Variants in VWA8 observed in about 807,000 individuals in gnomAD.
The protein encoded by VWA8 is von Willebrand factor A domain-containing protein 8.
VWA8 carries 221 observed loss-of-function variants against 241.5 expected under a neutral mutation model. The observed-to-expected ratio is 0.91, with a 90% CI of 0.82 to 1.02. The LOEUF (loss-of-function observed/expected upper bound fraction) is 1.02, where lower values mean the gene tolerates loss of function less well. Among genes scored for constraint, VWA8 ranks in the 50% least tolerant of loss-of-function variants. The pLI is 0.00. For missense variants in VWA8, 2,322 were observed against 2,328.7 expected (o/e 1.00, Z 0.06); for synonymous variants, 852 against 827.1 (o/e 1.03, Z -0.52).
Position 41,636,892 on chromosome 13 carries a change from A to G in VWA8, c.4612-21808T>C, listed in dbSNP as rs868712138. Reference sequence around the variant, plus strand: ...ACCATCTCACACCAGTTAGAATGGCAATCATTAAAAAGTCAGGAAACAACA... The same window carrying G: ...ACCATCTCACACCAGTTAGAATGGCGATCATTAAAAAGTCAGGAAACAACA... On this transcript the variant is annotated intron_variant, in intron 37 of 44. Transcript: ENST00000379310. 2.0e-3 allele frequency among the ~76,000 whole-genome samples: 302 copies of G among 151,972 alleles called. 1 individual carries two copies. Among genetic ancestry groups the G allele is most frequent in the South Asian group, 8.3e-3 (40 of 4,800 alleles).
At chr13:41,927,220 T>C in intron 2 of VWA8, 1 of 471,776 alleles carries the variant, frequency 2.1e-6, no homozygotes, top group East Asian at 5.7e-5. Context: ...ATTGACCAAG[T>C]CACCATTTTT....
chr13:41,644,497 CT>C (rs2044818114), intron 37 of VWA8, among the ~76,000 whole-genome samples: 1 of 152,234 alleles, frequency 6.6e-6, no homozygotes, highest in African/African-American at 2.4e-5. Context: ...TTCCCCATGC[CT>C]GTGTGTGTTT....
rs188595004 is a variant in VWA8 at position 41,847,571 on chromosome 13, G to A, written c.1426-14040C>T. 1.0e-3 allele frequency among the ~76,000 whole-genome samples: 158 copies of A among 152,264 alleles called. 3 individuals carry two copies. Among genetic ancestry groups the A allele is most frequent in the African/African-American group, 3.5e-3 (146 of 41,552 alleles). On this transcript the variant is annotated intron_variant, in intron 12 of 44. Transcript: ENST00000379310. The stretch of plus-strand genomic sequence containing the variant: ...GTAGGCATGGATTGGGTCACATAGC[G>A]CAGTGGTTCTCAACCCTGGCTGCTG...
intron 20 of VWA8, among the ~76,000 whole-genome samples, chr13:41,761,631 AAATAT>A (rs1157344052): frequency 3.3e-5 from 5 of 152,136 alleles, no homozygotes; most frequent in South Asian, 2.1e-4. Flanking sequence ...ACAGAAAGGT[AAATAT>A]AATACTGTAT....
At chr13:41,817,349 A>G (rs998913068) in intron 15 of VWA8, among the ~76,000 whole-genome samples, 1 of 152,190 alleles carries the variant, frequency 6.6e-6, no homozygotes, top group African/African-American at 2.4e-5. Context: ...CAAATAACAC[A>G]TATCGATTGC....
chr13:41,721,081 T>G (rs138984317), intron 25 of VWA8, among the ~76,000 whole-genome samples: 24 of 152,274 alleles, frequency 1.6e-4, no homozygotes, highest in African/African-American at 5.8e-4. Context: ...CAGGAAGGTT[T>G]CCCCACTGAC....
intron 17 of VWA8, among the ~76,000 whole-genome samples, chr13:41,803,873 A>G (rs1870069705): frequency 6.6e-6 from 1 of 152,230 alleles, no homozygotes; most frequent in Non-Finnish European, 1.5e-5. Context: ...AAAATTCTGG[A>G]GCTGAAAAAT....
intron 37 of VWA8, among the ~76,000 whole-genome samples, chr13:41,634,438 A>G (rs9590621): frequency 1.3e-5 from 2 of 152,136 alleles, no homozygotes; most frequent in Admixed American, 6.6e-5. Context: ...TTTTTGACGT[A>G]TTCTGACATG....
rs1436492547 is a variant in VWA8, at chr13:41,960,966, G to C, written c.50C>G (p.Pro17Arg). 1.2e-5 allele frequency: 17 copies of C among 1,442,086 alleles called. No homozygotes were observed. Among genetic ancestry groups the C allele is most frequent in the Middle Eastern group, 2.4e-4 (1 of 4,106 alleles). 89.3% of individuals were successfully genotyped at this position (1,442,086 alleles called of 1,614,324 possible). Residue 17 changes from proline to arginine, a missense_variant, in exon 1 of 45, where the codon CCG becomes CGG. Physicochemically the swap from Pro to Arg is moderately radical, Grantham distance 103. Coordinates refer to ENST00000379310, the MANE Select transcript of VWA8 (RefSeq NM_015058.2). ...LLGAPGGHGG[P>R]ASRRMRLLLR... is the part of the protein sequence containing the mutation. ...GAGCAGCCGCATGCGCCGCGAGGCC[G>C]GGCCGCCGTGGCCTCCGGGTGCCCC...
intron 21 of VWA8, among the ~76,000 whole-genome samples, chr13:41,759,272 T>A (rs370268604): frequency 2.0e-5 from 3 of 151,618 alleles, no homozygotes; most frequent in Non-Finnish European, 4.4e-5. Context: ...TGGTTCATAT[T>A]TATTTCTCAG....
intron 26 of VWA8, 161 bp downstream of exon 26, chr13:41,719,430 C>T (rs955955730): frequency 6.9e-7 from 1 of 1,455,038 alleles, no homozygotes. Context: ...ATAAATAATG[C>T]TATTTAACTG....
At chr13:41,700,943 C>T (rs1219175752) in intron 28 of VWA8, among the ~76,000 whole-genome samples, 1 of 152,156 alleles carries the variant, frequency 6.6e-6, no homozygotes, top group Non-Finnish European at 1.5e-5. Context: ...GTAATGGCAA[C>T]AGTCCAGAAG....
rs538260703 is a variant in VWA8 at position 41,615,439 on chromosome 13, A to G, written c.4612-355T>C. 2.6e-5 allele frequency among the ~76,000 whole-genome samples: 4 copies of G among 152,322 alleles called. No homozygotes were observed. In the South Asian group the frequency reaches 8.3e-4, roughly 32 times the overall value. ...TCTCACTGGAGAGGGGTATTTTGCC[A>G]GTGGTTTAAAAGGATCACCACCTAG... On this transcript the variant is annotated intron_variant, in intron 37 of 44. Coordinates refer to ENST00000379310, the MANE Select transcript of VWA8 (RefSeq NM_015058.2).
At chr13:41,666,448 A>C (rs2137794783) in intron 37 of VWA8, among the ~76,000 whole-genome samples, 1 of 152,294 alleles carries the variant, frequency 6.6e-6, no homozygotes, top group Non-Finnish European at 1.5e-5. Context: ...TAACTGCCAT[A>C]ATTCTCTTTG....
intron 17 of VWA8, among the ~76,000 whole-genome samples, chr13:41,800,160 C>T (rs1433216809): frequency 6.6e-6 from 1 of 152,198 alleles, no homozygotes; most frequent in Non-Finnish European, 1.5e-5. Context: ...GGATAAAACA[C>T]ACTTTATCTG....
At position 41,784,729 on chromosome 13, in the gene VWA8, T is replaced by TATATATATATAC. The variant is rs772522331; in HGVS notation, c.2171-829_2171-828insGTATATATATAT. Among the ~76,000 whole-genome samples the TATATATATATAC allele has an allele frequency of 2.1e-3, 128 of 60,074 alleles. 2 individuals carry two copies. Among genetic ancestry groups the TATATATATATAC allele is most frequent in the African/African-American group, 6.1e-3 (109 of 17,944 alleles). 39.4% of individuals were successfully genotyped at this position (60,074 alleles called of 152,430 possible). A position where few individuals can be genotyped will look rare whatever the true frequency, so the allele number is the denominator to read the frequency against. On this transcript the variant is annotated intron_variant, in intron 18 of 44. Coordinates refer to ENST00000379310, the MANE Select transcript of VWA8 (RefSeq NM_015058.2). Reference sequence around the variant, plus strand: ...ATATATATATATATATATATATATATACACACACATATATATATATATATA... The same window carrying TATATATATATAC: ...ATATATATATATATATATATATATATATATATATATACACACACACATATATATATATATATA...
rs545834696 is a variant in VWA8, at chr13:41,607,965, G to A, written c.4878-2689C>T. 3.3e-3 allele frequency among the ~76,000 whole-genome samples: 505 copies of A among 152,200 alleles called. 3 individuals are homozygous for A. The highest frequency in any genetic ancestry group is 0.012 in the African/African-American group (489 of 41,520). On this transcript the variant is annotated intron_variant, in intron 39 of 44. Coordinates refer to ENST00000379310, the MANE Select transcript of VWA8 (RefSeq NM_015058.2). ...CTTCTAAACTACTGTGTGTGTGTGT[G>A]TGTGCACGCACACACACATGCAATG...
At chr13:41,710,103 A>C (rs1294489695) in intron 26 of VWA8, among the ~76,000 whole-genome samples, 1 of 152,128 alleles carries the variant, frequency 6.6e-6, no homozygotes, top group Non-Finnish European at 1.5e-5. Context: ...TTATATTATA[A>C]CTGCCAACAT....
At chr13:41,571,451 T>TCAGCCTGCAGAGTGCA (rs2044303589) in intron 43 of VWA8, among the ~76,000 whole-genome samples, 1 of 151,826 alleles carries the variant, frequency 6.6e-6, no homozygotes, top group South Asian at 2.1e-4. Flanking sequence ...CCTCCCTGCC[T>TCAGCCTGCAGAGTGCA]GATTCTCCTG....
Sources: gnomAD v4.1 joint callset for allele counts (sites outside exome capture counted in the v4.1 genomes callset) on GRCh38, gnomAD v4.1.1 for gene constraint, MANE v1.5 for transcripts, NCBI Gene and HGNC (gene_info 2026-07-23, HGNC 2026-07-21) for gene names.